Variants in ZC3H12B observed in about 807,000 individuals in gnomAD.
ZC3H12B encodes zinc finger CCCH-type containing 12B.
In ZC3H12B, 7 loss-of-function variants were observed where a neutral mutation model predicts 43.9. The observed-to-expected ratio is 0.16, with a 90% CI of 0.09 to 0.30. The LOEUF (loss-of-function observed/expected upper bound fraction) is 0.30. ZC3H12B is among the 10% of genes least tolerant of loss of function. ZC3H12B has a pLI of 1.00. For synonymous variants in ZC3H12B, 222 were observed against 241.7 expected (o/e 0.92, Z 0.76); for missense variants, 475 against 670.2 (o/e 0.71, Z 3.22).
the ZC3H12B span, among the ~76,000 whole-genome samples, chrX:65,303,452 A>C: frequency 8.9e-6 from 1 of 112,454 alleles, no homozygotes; most frequent in African/African-American, 3.2e-5. Context: ...CCATCTGATC[A>C]TTCCAGTAGA....
chrX:65,349,661 A>T, the ZC3H12B span, among the ~76,000 whole-genome samples: 1 of 111,803 alleles, frequency 8.9e-6, no homozygotes, highest in African/African-American at 3.3e-5. Flanking sequence ...CAATAAAAAA[A>T]TTATAGGGTA....
the ZC3H12B span, among the ~76,000 whole-genome samples, chrX:65,129,586 A>G: frequency 9.0e-6 from 1 of 110,962 alleles, no homozygotes; most frequent in Non-Finnish European, 1.9e-5. Context: ...AGAACCAGCC[A>G]TTTTTACTTC....
At chrX:65,120,178 G>T in the ZC3H12B span, among the ~76,000 whole-genome samples, 1 of 111,791 alleles carries the variant, frequency 8.9e-6, no homozygotes, top group Non-Finnish European at 1.9e-5. Context: ...TTCCAATTCT[G>T]TGAAGAAAGT....
intron 3 of ZC3H12B, among the ~76,000 whole-genome samples, chrX:65,425,493 C>A (rs900608211): frequency 9.0e-6 from 1 of 110,526 alleles, no homozygotes; most frequent in Non-Finnish European, 1.9e-5. Context: ...ACTTCCAATA[C>A]TATATTGAAT....
the ZC3H12B span, among the ~76,000 whole-genome samples, chrX:65,117,195 A>G: frequency 8.9e-6 from 1 of 111,797 alleles, no homozygotes; most frequent in Admixed American, 9.5e-5. Flanking sequence ...AAGTATTCCT[A>G]TATCTCCACA....
intron 3 of ZC3H12B, among the ~76,000 whole-genome samples, chrX:65,436,145 G>A (rs1276676495): frequency 8.9e-6 from 1 of 111,893 alleles, no homozygotes; most frequent in Non-Finnish European, 1.9e-5. Flanking sequence ...AGGAGGAAGA[G>A]AGAGTAAAGA....
At chrX:65,160,040 G>A in the ZC3H12B span, among the ~76,000 whole-genome samples, 2 of 111,888 alleles carry the variant, frequency 1.8e-5, no homozygotes, top group Admixed American at 1.9e-4. Context: ...TTTGTCTTTG[G>A]TTCGGATTAT....
the ZC3H12B span, chrX:65,271,641 G>C: frequency 8.9e-6 from 1 of 112,187 alleles, no homozygotes; most frequent in East Asian, 2.8e-4. Context: ...TGGAAGAAGA[G>C]TATCTTGGTT....
the ZC3H12B span, among the ~76,000 whole-genome samples, chrX:65,156,491 C>T: frequency 4.5e-5 from 5 of 111,819 alleles, no homozygotes; most frequent in Non-Finnish European, 9.4e-5. Flanking sequence ...AGTGATTCTA[C>T]TGCCTCAGCC....
In ZC3H12B at chrX:65,456,637, T is replaced by A. The variant is rs1453064310; in HGVS notation, n.408-32009T>A. 4.3e-4 allele frequency among the ~76,000 whole-genome samples: 41 copies of A among 94,608 alleles called. No homozygotes were observed. In the East Asian group the frequency reaches 0.012, roughly 28 times the overall value. The allele number at this position is 94,608 out of a possible 115,157, so 82.2% of individuals were successfully genotyped here. On this transcript the variant is annotated intron_variant and non_coding_transcript_variant, in intron 3 of 5. Coordinates refer to the ZC3H12B transcript ENST00000617377. Reference sequence around the variant, plus strand: ...TTTTTTTTTTTTGGTGGAGACGGGGTTTTGCTGTGTTGGCCGGGCTGGTCT... The same window carrying A: ...TTTTTTTTTTTTGGTGGAGACGGGGATTTGCTGTGTTGGCCGGGCTGGTCT...
chrX:65,212,730 T>G, the ZC3H12B span, among the ~76,000 whole-genome samples: 1 of 93,815 alleles, frequency 1.1e-5, no homozygotes, highest in Non-Finnish European at 2.1e-5. Flanking sequence ...ATATCATATA[T>G]AAATATATAT....
the ZC3H12B span, among the ~76,000 whole-genome samples, chrX:65,339,938 C>T: frequency 9.0e-6 from 1 of 111,564 alleles, no homozygotes; most frequent in East Asian, 2.8e-4. Context: ...CATGTATGCA[C>T]ACACACCCTG....
chrX:65,452,056 A>G (rs2067522098), intron 3 of ZC3H12B, among the ~76,000 whole-genome samples: 1 of 111,901 alleles, frequency 8.9e-6, no homozygotes, highest in Non-Finnish European at 1.9e-5. Flanking sequence ...TGGGTCTTTC[A>G]TAAGGAAAAA....
the ZC3H12B span, among the ~76,000 whole-genome samples, chrX:65,061,127 T>G: frequency 8.9e-6 from 1 of 111,957 alleles, no homozygotes; most frequent in Non-Finnish European, 1.9e-5. Context: ...TTTTCTTTTA[T>G]GTTTTTTTAT....
chrX:65,232,458 A>C, the ZC3H12B span, among the ~76,000 whole-genome samples: 3 of 111,728 alleles, frequency 2.7e-5, no homozygotes, highest in Non-Finnish European at 5.6e-5. Context: ...GATGGAATTA[A>C]AGTGAAGGGT....
At chrX:65,380,324 T>C (rs2066418282) in intron 2 of ZC3H12B, among the ~76,000 whole-genome samples, 1 of 111,705 alleles carries the variant, frequency 9.0e-6, no homozygotes, top group Non-Finnish European at 1.9e-5. Context: ...AAGAAAAGAA[T>C]TTTCAACCGA....
At chrX:65,142,101 T>C in the ZC3H12B span, among the ~76,000 whole-genome samples, 1 of 112,252 alleles carries the variant, frequency 8.9e-6, no homozygotes, top group Non-Finnish European at 1.9e-5. Context: ...TTTTCCATAG[T>C]GGTTGTACTA....
At chrX:65,127,150 G>A in the ZC3H12B span, among the ~76,000 whole-genome samples, 3 of 111,134 alleles carry the variant, frequency 2.7e-5, no homozygotes, top group African/African-American at 6.5e-5. Context: ...GGAAGATCTG[G>A]GATTCAAGGG....
At chrX:65,387,727 T>G (rs1011697383) in intron 2 of ZC3H12B, among the ~76,000 whole-genome samples, 1 of 112,516 alleles carries the variant, frequency 8.9e-6, no homozygotes, top group African/African-American at 3.2e-5. Context: ...TGCAGTTTCT[T>G]CCTAGCCTGG....
Sources: gnomAD v4.1 joint callset for allele counts (sites outside exome capture counted in the v4.1 genomes callset) on GRCh38, gnomAD v4.1.1 for gene constraint, MANE v1.5 for transcripts, NCBI Gene and HGNC (gene_info 2026-07-23, HGNC 2026-07-21) for gene names.